The following IL1RAPL2 variants were observed in gnomAD, a reference collection of about 807,000 sequenced individuals.
The protein encoded by IL1RAPL2 is interleukin 1 receptor accessory protein like 2.
IL1RAPL2 carries 3 observed loss-of-function variants against 44.1 expected under a neutral mutation model. That is an observed-to-expected ratio of 0.07 (90% confidence interval 0.03 to 0.18). The LOEUF (loss-of-function observed/expected upper bound fraction) is 0.18. Ranked by LOEUF, IL1RAPL2 falls within the 10% of genes least tolerant of loss-of-function variation. IL1RAPL2 has a pLI of 1.00. For synonymous variants in IL1RAPL2, 181 were observed against 178.8 expected, an observed-to-expected ratio of 1.01 and a Z score of -0.10; for missense variants, 391 against 496.4, an observed-to-expected ratio of 0.79 and a Z score of 2.02.
chrX:104,902,924 A>G (rs1371972733), intron 2 of IL1RAPL2, among the ~76,000 whole-genome samples: 1 of 111,841 alleles, frequency 8.9e-6, no homozygotes, highest in Non-Finnish European at 1.9e-5. Context: ...AAGGATATAT[A>G]CTATCCAAAA....
chrX:105,063,421 T>C (rs1276805907), intron 2 of IL1RAPL2, among the ~76,000 whole-genome samples: 1 of 112,098 alleles, frequency 8.9e-6, no homozygotes, highest in Non-Finnish European at 1.9e-5. Flanking sequence ...GCCTTATTTA[T>C]TTAGTTCATT....
intron 2 of IL1RAPL2, among the ~76,000 whole-genome samples, chrX:104,731,911 T>G (rs1442272866): frequency 8.9e-6 from 1 of 111,903 alleles, no homozygotes; most frequent in Non-Finnish European, 1.9e-5. Context: ...TTCTAAAAAT[T>G]GACTGTGTAC....
At chrX:105,657,226 C>T (rs1385061622) in intron 6 of IL1RAPL2, among the ~76,000 whole-genome samples, 1 of 111,946 alleles carries the variant, frequency 8.9e-6, no homozygotes, top group Non-Finnish European at 1.9e-5. Context: ...CCTATATATT[C>T]CTAGCCATCT....
At chrX:104,992,120 A>T (rs928762126) in intron 2 of IL1RAPL2, among the ~76,000 whole-genome samples, 2 of 111,289 alleles carry the variant, frequency 1.8e-5, no homozygotes, top group African/African-American at 6.5e-5. Flanking sequence ...ATTACAGAAG[A>T]CAATGCTAGA....
chrX:104,666,201 A>G (rs779501600), intron 2 of IL1RAPL2, among the ~76,000 whole-genome samples: 6 of 111,457 alleles, frequency 5.4e-5, no homozygotes, highest in African/African-American at 2.0e-4. Flanking sequence ...TAAGTTTGGC[A>G]ACAAAGAATG....
At chrX:104,702,786 A>T in intron 2 of IL1RAPL2, among the ~76,000 whole-genome samples, 1 of 110,922 alleles carries the variant, frequency 9.0e-6, no homozygotes, top group Non-Finnish European at 1.9e-5. Flanking sequence ...GATTTGTGTG[A>T]TCCCTGATTT....
chrX:105,418,858 G>A (rs1653316899), intron 5 of IL1RAPL2, among the ~76,000 whole-genome samples: 1 of 111,908 alleles, frequency 8.9e-6, no homozygotes, highest in Admixed American at 9.5e-5. Flanking sequence ...ATAAAAGGAG[G>A]TATTTTGAAA....
At chrX:104,744,190 C>G (rs1434097024) in intron 2 of IL1RAPL2, among the ~76,000 whole-genome samples, 1 of 110,548 alleles carries the variant, frequency 9.0e-6, no homozygotes, top group Non-Finnish European at 1.9e-5. Context: ...GTATTTTGAA[C>G]AAATTTGATC....
chrX:105,097,314 G>C (rs1183178062), intron 2 of IL1RAPL2, among the ~76,000 whole-genome samples: 4 of 81,448 alleles, frequency 4.9e-5, no homozygotes, highest in African/African-American at 2.0e-4. Context: ...GTGACAGAGC[G>C]AGACTCAGTG....
chrX:105,062,530 T>A (rs754813675), intron 2 of IL1RAPL2, among the ~76,000 whole-genome samples: 32 of 111,633 alleles, frequency 2.9e-4, no homozygotes, highest in Admixed American at 2.4e-3. Flanking sequence ...ACCAGTGAGT[T>A]TTGTATCTTC....
chrX:104,696,125 A>G (rs990691715), intron 2 of IL1RAPL2, among the ~76,000 whole-genome samples: 14 of 112,098 alleles, frequency 1.2e-4, no homozygotes, highest in African/African-American at 3.2e-4. Context: ...TACTGCTTTT[A>G]TCCACTGAGG....
At chrX:105,395,738 G>GT (rs1224302411) in intron 5 of IL1RAPL2, among the ~76,000 whole-genome samples, 1 of 111,815 alleles carries the variant, frequency 8.9e-6, no homozygotes, top group Non-Finnish European at 1.9e-5. Context: ...CACCCACCCA[G>GT]TTTTTTAAGT....
At chrX:104,716,817 A>G (rs777365854) in intron 2 of IL1RAPL2, among the ~76,000 whole-genome samples, 39 of 111,945 alleles carry the variant, frequency 3.5e-4, no homozygotes, top group Non-Finnish European at 6.8e-4. Context: ...CTTATACACT[A>G]TTGGTGGGAA....
intron 6 of IL1RAPL2, among the ~76,000 whole-genome samples, chrX:105,541,141 T>C (rs937384712): frequency 2.8e-5 from 3 of 108,409 alleles, no homozygotes; most frequent in African/African-American, 1.0e-4. Context: ...GAAATGGTTG[T>C]TTAAAAATGT....
chrX:104,793,238 G>A (rs181427969), intron 2 of IL1RAPL2, among the ~76,000 whole-genome samples: 1 of 111,698 alleles, frequency 9.0e-6, no homozygotes, highest in Non-Finnish European at 1.9e-5. Context: ...AGTGAACTAA[G>A]TGGTATATTT....
At chrX:104,659,115 T>C (rs1930337765) in intron 2 of IL1RAPL2, 120 bp downstream of exon 2, 5 of 474,932 alleles carry the variant, frequency 1.1e-5, no homozygotes, top group Non-Finnish European at 3.7e-6. Context: ...ATTCCAGTTA[T>C]GTTGGAAAGT....
At chrX:104,588,440 G>C (rs1413479710) in intron 1 of IL1RAPL2, among the ~76,000 whole-genome samples, 1 of 111,397 alleles carries the variant, frequency 9.0e-6, no homozygotes, top group South Asian at 3.8e-4. Context: ...AATAGGGAAA[G>C]AACATTCTTG....
intron 2 of IL1RAPL2, among the ~76,000 whole-genome samples, chrX:104,704,226 T>C (rs971621023): frequency 8.9e-6 from 1 of 111,868 alleles, no homozygotes; most frequent in African/African-American, 3.3e-5. Context: ...AAAGTGTCCC[T>C]GGCAGAAGGA....
intron 2 of IL1RAPL2, among the ~76,000 whole-genome samples, chrX:104,748,696 A>G (rs1002150845): frequency 5.4e-5 from 6 of 111,536 alleles, no homozygotes; most frequent in Admixed American, 1.9e-4. Context: ...ATTATATTCA[A>G]TGTGAATGAA....
Sources: allele counts gnomAD v4.1 joint callset (sites outside exome capture counted in the v4.1 genomes callset), GRCh38; gene constraint gnomAD v4.1.1; transcripts MANE v1.5; gene names NCBI Gene and HGNC (gene_info 2026-07-23, HGNC 2026-07-21).